Variants in ARHGAP25 observed in about 807,000 individuals in gnomAD.
ARHGAP25 encodes the protein rho GTPase-activating protein 25.
Under a neutral mutation model 71.0 loss-of-function variants are expected in ARHGAP25, and 34 were observed. That is an observed-to-expected ratio of 0.48 (90% confidence interval 0.36 to 0.64). The LOEUF (loss-of-function observed/expected upper bound fraction) is 0.64, where lower values mean the gene tolerates loss of function less well. ARHGAP25 is among the 30% of genes least tolerant of loss of function. ARHGAP25 has a pLI of 0.00. For synonymous variants in ARHGAP25, 282 were observed against 296.5 expected (o/e 0.95, Z 0.50); for missense variants, 706 against 805.1 (o/e 0.88, Z 1.49).
intron 1 of ARHGAP25, among the ~76,000 whole-genome samples, chr2:68,741,767 A>T (rs1675533639): frequency 6.6e-6 from 1 of 152,206 alleles, no homozygotes; most frequent in South Asian, 2.1e-4. Flanking sequence ...AGGTTCAAGG[A>T]ATATTAAAAT....
chr2:68,792,686 G>A (rs888675660), intron 4 of ARHGAP25, among the ~76,000 whole-genome samples: 3 of 152,182 alleles, frequency 2.0e-5, no homozygotes, highest in Admixed American at 6.5e-5. Context: ...TTGATGGACA[G>A]TTAGGTTGAT....
At chr2:68,824,509 A>G (rs1364224594) in intron 10 of ARHGAP25, among the ~76,000 whole-genome samples, 3 of 152,172 alleles carry the variant, frequency 2.0e-5, no homozygotes, top group East Asian at 1.9e-4. Flanking sequence ...TTGGGAGGCC[A>G]AGGTGGGTGA....
intron 2 of ARHGAP25, among the ~76,000 whole-genome samples, chr2:68,781,223 TA>T (rs570635182): frequency 6.6e-6 from 1 of 151,532 alleles, no homozygotes; most frequent in Non-Finnish European, 1.5e-5. Flanking sequence ...CCATCTCCAC[TA>T]AAAAAAATAC....
chr2:68,750,229 T>C (rs1676077037), intron 1 of ARHGAP25, among the ~76,000 whole-genome samples: 1 of 151,402 alleles, frequency 6.6e-6, no homozygotes, highest in African/African-American at 2.4e-5. Context: ...CCAGCTGGTC[T>C]TGGACTCCTG....
chr2:68,748,638 T>C (rs1277588258), intron 1 of ARHGAP25, among the ~76,000 whole-genome samples: 1 of 152,136 alleles, frequency 6.6e-6, no homozygotes, highest in Non-Finnish European at 1.5e-5. Context: ...AAAGCATTTT[T>C]TTTTCCTGTC....
At position 68,768,879 on chromosome 2, in the gene ARHGAP25, T is replaced by A. The variant is rs538665978; in HGVS notation, c.62-6342T>A. On this transcript the variant is annotated intron_variant, in intron 1 of 10. Transcript: ENST00000409202. ...TCTCTGATTTCCTTTCTTGCTTCCA[T>A]GAATGGGTCTCCCAGATCCATCAGG... Among the ~76,000 whole-genome samples the A allele has an allele frequency of 3.9e-5, 6 of 152,336 alleles. No individual in the cohort carries two copies. In the East Asian group the frequency reaches 1.2e-3, roughly 29 times the overall value.
intron 1 of ARHGAP25, among the ~76,000 whole-genome samples, chr2:68,773,983 C>T (rs866957593): frequency 6.6e-6 from 1 of 152,058 alleles, no homozygotes; most frequent in African/African-American, 2.4e-5. Flanking sequence ...ATTTATCCAC[C>T]GTCAAAAAGT....
At chr2:68,769,044 C>A (rs1320972176) in intron 1 of ARHGAP25, among the ~76,000 whole-genome samples, 2 of 152,174 alleles carry the variant, frequency 1.3e-5, no homozygotes, top group Non-Finnish European at 2.9e-5. Flanking sequence ...TCACAAAAAT[C>A]TTTGTCTCCT....
chr2:68,730,506 C>A (rs113635626), upstream of ARHGAP25, among the ~76,000 whole-genome samples: 6,014 of 151,928 alleles, frequency 0.04, 395 homozygotes, highest in African/African-American at 0.14. Context: ...AAAAATTAGC[C>A]GGGCATGGTA....
intron 9 of ARHGAP25, among the ~76,000 whole-genome samples, chr2:68,821,349 C>T (rs1012226684): frequency 6.6e-6 from 1 of 152,268 alleles, no homozygotes; most frequent in Non-Finnish European, 1.5e-5. Flanking sequence ...ATCCACCCTC[C>T]TCAGCCTCCC....
rs192455551 is a variant in ARHGAP25, at chr2:68,767,426, T to G, written c.62-7795T>G. On this transcript the variant is annotated intron_variant, in intron 1 of 10. Transcript: ENST00000409202. This position sits in a 1 kb window ranked among gnomAD's most constrained non-coding sequence, Gnocchi z 4.6. ...GTCTGCATGTATGTATGTGTGAATG[T>G]GGCAGGGGCGTTGCGTGTGTGTATG... is the stretch of plus-strand genomic sequence containing the variant. 6.6e-6 allele frequency among the ~76,000 whole-genome samples: 1 copy of G among 152,182 alleles called. No individual in the cohort carries two copies. Among genetic ancestry groups the G allele is most frequent in the East Asian group, 1.9e-4 (1 of 5,182 alleles).
chr2:68,824,784 T>C (rs1558670250), intron 10 of ARHGAP25, among the ~76,000 whole-genome samples: 1 of 152,012 alleles, frequency 6.6e-6, no homozygotes, highest in Admixed American at 6.5e-5. Context: ...TGAGATCAAT[T>C]TAGCTTTAAG....
intron 1 of ARHGAP25, among the ~76,000 whole-genome samples, chr2:68,735,801 A>T (rs1675183336): frequency 6.6e-6 from 1 of 152,234 alleles, no homozygotes; most frequent in African/African-American, 2.4e-5. Flanking sequence ...TAATTAAAGG[A>T]ACAGAATGGG....
intron 1 of ARHGAP25, among the ~76,000 whole-genome samples, chr2:68,759,825 AG>A: frequency 6.6e-6 from 1 of 152,196 alleles, no homozygotes; most frequent in South Asian, 2.1e-4. Flanking sequence ...GAATTGAAAA[AG>A]AAGGGAAACT....
chr2:68,772,974 A>G (rs1677583472), intron 1 of ARHGAP25, among the ~76,000 whole-genome samples: 1 of 152,220 alleles, frequency 6.6e-6, no homozygotes, highest in Non-Finnish European at 1.5e-5. Context: ...TCCAATGGGA[A>G]GCTGAATCAA....
intron 4 of ARHGAP25, among the ~76,000 whole-genome samples, chr2:68,789,270 C>T (rs1238887486): frequency 6.6e-6 from 1 of 152,132 alleles, no homozygotes; most frequent in East Asian, 1.9e-4. Context: ...GATCTCCTGG[C>T]CTCGTGATCC....
intron 3 of ARHGAP25, among the ~76,000 whole-genome samples, chr2:68,784,476 C>T (rs775314590): frequency 6.6e-6 from 1 of 152,028 alleles, no homozygotes; most frequent in African/African-American, 2.4e-5. Flanking sequence ...CACATAGAAA[C>T]TTTTAATTGT....
chr2:68,819,608 T>C (rs1681489097), intron 9 of ARHGAP25: 1 of 593,244 alleles, frequency 1.7e-6, no homozygotes, highest in Admixed American at 2.9e-5. Flanking sequence ...TCAAATACAG[T>C]CCAGAGAAGT....
chr2:68,753,078 TG>T (rs70954323), intron 1 of ARHGAP25, among the ~76,000 whole-genome samples: 48 of 147,020 alleles, frequency 3.3e-4, no homozygotes, highest in East Asian at 2.3e-3. Flanking sequence ...TTGGGGTGGA[TG>T]GGGGGGGTGA....
Sources: allele counts gnomAD v4.1 joint callset (sites outside exome capture counted in the v4.1 genomes callset), GRCh38; gene constraint gnomAD v4.1.1; non-coding constraint Gnocchi (gnomAD v3.1); transcripts MANE v1.5; gene names NCBI Gene and HGNC (gene_info 2026-07-23, HGNC 2026-07-21).